Variants in GTF2F2 observed in about 807,000 individuals in gnomAD.
GTF2F2 encodes the protein general transcription factor IIF subunit 2.
GTF2F2 carries 23 observed loss-of-function variants against 42.2 expected under a neutral mutation model. The observed-to-expected ratio is 0.55, with a 90% confidence interval of 0.39 to 0.77. The LOEUF is 0.77. GTF2F2 is among the 30% of genes least tolerant of loss of function. The probability of loss-of-function intolerance (pLI) is 0.00; values close to 1 mark genes in which losing one functional copy is unlikely to be tolerated. For missense variants in GTF2F2, 261 were observed against 287.2 expected (o/e 0.91, Z 0.66); for synonymous variants, 105 against 100.8 (o/e 1.04, Z -0.25).
At position 45,183,475 on chromosome 13, in the gene GTF2F2, G is replaced by T. The variant is rs530496048; in HGVS notation, c.305-23949G>T. Among the ~76,000 whole-genome samples the T allele has an allele frequency of 7.2e-5, 11 of 152,264 alleles. No individual in the cohort carries two copies. In the East Asian group the frequency reaches 1.3e-3, roughly 19 times the overall value. On this transcript the variant is annotated intron_variant, in intron 4 of 7. Transcript: ENST00000340473. ...GGCATCAAAAGGGAAGCAAGACGGG[G>T]AAGGTAAAGGGACTTTTTAATTCTT...
chr13:45,163,501 A>G (rs1871131282), intron 4 of GTF2F2, among the ~76,000 whole-genome samples: 1 of 151,980 alleles, frequency 6.6e-6, no homozygotes, highest in Non-Finnish European at 1.5e-5. Flanking sequence ...GCGCCACTGC[A>G]CTCCAGCCTG....
At chr13:45,187,262 A>T (rs1391050688) in intron 4 of GTF2F2, among the ~76,000 whole-genome samples, 1 of 152,164 alleles carries the variant, frequency 6.6e-6, no homozygotes, top group Non-Finnish European at 1.5e-5. Context: ...TATTTTAAAA[A>T]TTTAAAAGGG....
chr13:45,131,991 G>A (rs989482704), intron 1 of GTF2F2, among the ~76,000 whole-genome samples: 6 of 151,616 alleles, frequency 4.0e-5, no homozygotes, highest in Admixed American at 6.6e-5. Context: ...CCTTTCCAAG[G>A]TGCATGCTCT....
rs116424439 is a variant in GTF2F2, at chr13:45,156,316, A to G, written c.304+4485A>G. ...TTTGCCTGAGGGAACTGGCTTCAGA[A>G]GTGGAGATAATATTTGAGCTGGACC... On this transcript the variant is annotated intron_variant, in intron 4 of 7. Coordinates refer to ENST00000340473, the MANE Select transcript of GTF2F2 (RefSeq NM_004128.3). 6.0e-3 allele frequency among the ~76,000 whole-genome samples: 918 copies of G among 152,346 alleles called. 9 individuals are homozygous for G. Among genetic ancestry groups the G allele is most frequent in the African/African-American group, 0.021 (854 of 41,572 alleles).
chr13:45,168,989 C>T (rs1464943155), intron 4 of GTF2F2, among the ~76,000 whole-genome samples: 21 of 148,386 alleles, frequency 1.4e-4, no homozygotes. Flanking sequence ...CTTCCTCCCT[C>T]CTTCCCTCTT....
rs545831973 is a variant in GTF2F2 at position 45,149,066 on chromosome 13, A to T, written c.141-704A>T. 7.2e-5 allele frequency among the ~76,000 whole-genome samples: 11 copies of T among 152,206 alleles called. No individual in the cohort carries two copies. In the East Asian group the frequency reaches 2.1e-3, roughly 29 times the overall value. On this transcript the variant is annotated intron_variant, in intron 2 of 7. Transcript: ENST00000340473. ...TTCAGCTAGATAAAATGAGTAGTAA[A>T]ATTTGATGAAGTACTGTATAGATCT...
intron 7 of GTF2F2, among the ~76,000 whole-genome samples, chr13:45,283,069 A>G (rs2138283038): frequency 6.6e-6 from 1 of 152,272 alleles, no homozygotes; most frequent in Admixed American, 6.5e-5. Flanking sequence ...ACTGAGTCCC[A>G]TGAGGCCACT....
At chr13:45,180,380 C>G (rs1004211723) in intron 4 of GTF2F2, among the ~76,000 whole-genome samples, 1 of 152,096 alleles carries the variant, frequency 6.6e-6, no homozygotes, top group Non-Finnish European at 1.5e-5. Context: ...ATACTATAGA[C>G]TCATGCGTAT....
chr13:45,120,751 C>G (rs1475929252), intron 1 of GTF2F2, 30 bp downstream of exon 1: 2 of 1,476,406 alleles, frequency 1.4e-6, no homozygotes, highest in South Asian at 1.2e-5. Flanking sequence ...CACTTGCGCT[C>G]CTCCTAACAC....
At chr13:45,171,745 G>A (rs566398394) in intron 4 of GTF2F2, among the ~76,000 whole-genome samples, 2 of 152,012 alleles carry the variant, frequency 1.3e-5, no homozygotes, top group African/African-American at 4.8e-5. Context: ...ACACCTATTT[G>A]TAGTCACCTG....
At chr13:45,158,365 C>T (rs572377996) in intron 4 of GTF2F2, among the ~76,000 whole-genome samples, 1 of 152,342 alleles carries the variant, frequency 6.6e-6, no homozygotes, top group Non-Finnish European at 1.5e-5. Context: ...CCTCCCCAGC[C>T]ATGTGGAACT....
intron 4 of GTF2F2, among the ~76,000 whole-genome samples, chr13:45,197,116 G>T (rs914746216): frequency 1.1e-4 from 16 of 151,824 alleles, no homozygotes; most frequent in African/African-American, 3.9e-4. Flanking sequence ...GGCAACAGTA[G>T]TATAACTGAA....
At chr13:45,184,070 G>A (rs1319552269) in intron 4 of GTF2F2, among the ~76,000 whole-genome samples, 2 of 151,958 alleles carry the variant, frequency 1.3e-5, no homozygotes, top group Non-Finnish European at 2.9e-5. Context: ...TGTTGGCCAG[G>A]CTGGTCTTGA....
chr13:45,274,804 A>T (rs1454148761), intron 7 of GTF2F2, among the ~76,000 whole-genome samples: 2 of 151,954 alleles, frequency 1.3e-5, no homozygotes, highest in Non-Finnish European at 2.9e-5. Flanking sequence ...TTAGCCAGGC[A>T]TGGTGGCATG....
intron 4 of GTF2F2, among the ~76,000 whole-genome samples, chr13:45,184,056 A>G (rs1163331330): frequency 6.6e-6 from 1 of 151,748 alleles, no homozygotes; most frequent in Non-Finnish European, 1.5e-5. Context: ...ACAGGATTTC[A>G]CCATGTTGGC....
intron 4 of GTF2F2, among the ~76,000 whole-genome samples, chr13:45,195,364 A>G (rs1872837751): frequency 1.3e-5 from 2 of 152,140 alleles, no homozygotes; most frequent in African/African-American, 4.8e-5. Flanking sequence ...AAATTCATGA[A>G]CTTGTTTCAC....
At chr13:45,188,913 T>C (rs1278282811) in intron 4 of GTF2F2, among the ~76,000 whole-genome samples, 1 of 152,218 alleles carries the variant, frequency 6.6e-6, no homozygotes, top group Non-Finnish European at 1.5e-5. Flanking sequence ...ATTCACTTTT[T>C]TTTTTTTTAA....
At chr13:45,264,769 A>G (rs764570739) in intron 6 of GTF2F2, among the ~76,000 whole-genome samples, 3 of 152,308 alleles carry the variant, frequency 2.0e-5, no homozygotes, top group South Asian at 4.1e-4. Flanking sequence ...ACTTGATAAC[A>G]ACACTTAAGT....
intron 5 of GTF2F2, among the ~76,000 whole-genome samples, chr13:45,213,100 A>G (rs1168224315): frequency 2.0e-5 from 3 of 150,046 alleles, no homozygotes; most frequent in Admixed American, 1.3e-4. Context: ...TTTTTTTGAG[A>G]CAGAGTCTCG....
Sources: gnomAD v4.1 joint callset for allele counts (sites outside exome capture counted in the v4.1 genomes callset) on GRCh38, gnomAD v4.1.1 for gene constraint, MANE v1.5 for transcripts, NCBI Gene and HGNC (gene_info 2026-07-23, HGNC 2026-07-21) for gene names.